ADARB1: variants seen among roughly 807,000 people sequenced by gnomAD.
The protein encoded by ADARB1 is adenosine deaminase RNA specific B1.
A neutral mutation model predicts 52.4 loss-of-function variants in ADARB1; 10 were observed. The ratio of observed to expected loss-of-function variants is 0.19; its 90% CI spans 0.12 to 0.32. The LOEUF is 0.32. Among genes scored for constraint, ADARB1 ranks in the 10% least tolerant of loss-of-function variants. The pLI is 1.00. For missense variants in ADARB1, 643 were observed against 922.3 expected (o/e 0.70, Z 3.92); for synonymous variants, 349 against 371.1 (o/e 0.94, Z 0.68).
chr21:45,122,712 A>G (rs1040186929), intron 1 of ADARB1, among the ~76,000 whole-genome samples: 1 of 152,182 alleles, frequency 6.6e-6, no homozygotes, highest in African/African-American at 2.4e-5. Flanking sequence ...ACTCCCCACC[A>G]GTTTCGCAGG....
intron 2 of ADARB1, among the ~76,000 whole-genome samples, chr21:45,137,490 G>T (rs2145877208): frequency 6.6e-6 from 1 of 152,346 alleles, no homozygotes; most frequent in East Asian, 1.9e-4. Flanking sequence ...CCCTTCGGGT[G>T]TGCCAGGAGC....
At chr21:45,099,338 T>C (rs1176838061) in intron 1 of ADARB1, among the ~76,000 whole-genome samples, 1 of 152,194 alleles carries the variant, frequency 6.6e-6, no homozygotes. Context: ...AATTAGGGTC[T>C]TCGGATTGCT....
chr21:45,154,048 A>G (rs1394597438), intron 2 of ADARB1, among the ~76,000 whole-genome samples: 1 of 152,254 alleles, frequency 6.6e-6, no homozygotes, highest in East Asian at 1.9e-4. Context: ...TGGGAAAAAT[A>G]TTGAGAAGTA....
Position 45,142,997 on chromosome 21 carries a change from A to G in ADARB1, c.-48+14424A>G, listed in dbSNP as rs936716875. Among the ~76,000 whole-genome samples, 9 of 152,230 alleles carry G rather than the reference A, an allele frequency of 5.9e-5. No individual in the cohort carries two copies. Among genetic ancestry groups the G allele is most frequent in the African/African-American group, 2.2e-4 (9 of 41,462 alleles). ...TGGCATCTGCGATGCTTGTAAAACA[A>G]GTAGCAGCCGTGTCCAGCCTGCTGC... is the stretch of plus-strand genomic sequence containing the variant. On this transcript the variant is annotated intron_variant, in intron 2 of 10. Coordinates refer to ENST00000348831, the MANE Select transcript of ADARB1 (RefSeq NM_001112.4). This position sits in a 1 kb window ranked among gnomAD's most constrained non-coding sequence, Gnocchi z 4.0.
chr21:45,176,128 G>T lies in ADARB1; in HGVS notation c.427G>T (p.Val143Phe). 6.2e-7 allele frequency: 1 copy of T among 1,614,052 alleles called. No individual in the cohort carries two copies. ...TGCTGAGAAGGCCTTGAGGTCTTTC[G>T]TTCAGTTTCCTAATGCCTCTGAGGC... is the stretch of plus-strand genomic sequence containing the variant. ...HAAEKALRSF[V>F]QFPNASEAHL... is the part of the protein sequence containing the mutation. The change falls in exon 4 of 11, where the codon GTT becomes TTT. Residue 143 changes from valine (V) to phenylalanine (F), a missense_variant. Physicochemically the swap from Val to Phe is conservative, Grantham distance 50. Transcript: ENST00000348831. The surrounding 1 kb of genome is among the most constrained non-coding windows in gnomAD (Gnocchi z 5.8).
chr21:45,225,280 G>A lies in ADARB1; in HGVS notation c.*3083G>A, dbSNP rs1013531838. 2.7e-5 allele frequency: 31 copies of A among 1,163,722 alleles called. No individual in the cohort carries two copies. The highest frequency in any genetic ancestry group is 1.4e-4 in the African/African-American group (9 of 62,904). The allele number at this position is 1,163,722 out of a possible 1,614,324, so 72.1% of individuals were successfully genotyped here. A position where few individuals can be genotyped will look rare whatever the true frequency, so the allele number is the denominator to read the frequency against. ...CTTCCTCAGCTCTCATCACCTGGTCGTACGCCAGGCCCACCTCTTCCCAGC... is the reference window on the plus strand; with the variant it reads ...CTTCCTCAGCTCTCATCACCTGGTCATACGCCAGGCCCACCTCTTCCCAGC... On this transcript the variant is annotated 3_prime_UTR_variant, in exon 11 of 11. Transcript: ENST00000348831.
intron 1 of ADARB1, among the ~76,000 whole-genome samples, chr21:45,103,210 G>T (rs913053953): frequency 4.6e-5 from 7 of 152,144 alleles, no homozygotes; most frequent in African/African-American, 1.7e-4. Flanking sequence ...GTGGATTTCA[G>T]TTAATAACAA....
At chr21:45,075,878 C>G (rs781170342) in intron 1 of ADARB1, among the ~76,000 whole-genome samples, 2 of 152,112 alleles carry the variant, frequency 1.3e-5, no homozygotes, top group East Asian at 3.8e-4. Flanking sequence ...CGAAGTATAA[C>G]GAAAAGTGGC....
Position 45,222,223 on chromosome 21 carries a change from A to G in ADARB1, c.*26A>G. On this transcript the variant is annotated 3_prime_UTR_variant, in exon 11 of 11. Transcript: ENST00000348831. ...CCCGGGCAGACATGATGGGGGGTGCAGGGGGCTGTGGGCATCCAGCGTCAT... is the reference window on the plus strand; with the variant it reads ...CCCGGGCAGACATGATGGGGGGTGCGGGGGGCTGTGGGCATCCAGCGTCAT... 6.8e-7 allele frequency: 1 copy of G among 1,461,788 alleles called. No homozygotes were observed. 90.6% of individuals were successfully genotyped at this position (1,461,788 alleles called of 1,614,324 possible).
At chr21:45,131,882 G>C (rs1339867193) in intron 2 of ADARB1, among the ~76,000 whole-genome samples, 1 of 152,214 alleles carries the variant, frequency 6.6e-6, no homozygotes, top group Admixed American at 6.5e-5. Context: ...GTGCCTGGCG[G>C]TGTCCTGGCG....
At position 45,093,271 on chromosome 21, in the gene ADARB1, C is replaced by T. The variant is rs116579270; in HGVS notation, c.-220+18478C>T. ...TTCTCACCAGTTCCCAGGGCAGCCT[C>T]GGGTAGGAGTCTCGGGTAGGAGAGT... On this transcript the variant is annotated intron_variant, in intron 1 of 10. Transcript: ENST00000348831. Among the ~76,000 whole-genome samples the T allele has an allele frequency of 3.7e-3, 558 of 152,260 alleles. 5 individuals are homozygous for T. The highest frequency in any genetic ancestry group is 0.013 in the African/African-American group (545 of 41,536).
At chr21:45,180,592 C>T (rs1405430090) in intron 5 of ADARB1, 148 bp downstream of exon 5, 4 of 700,564 alleles carry the variant, frequency 5.7e-6, no homozygotes, top group South Asian at 1.8e-5. Context: ...TGCAAGTTTA[C>T]GAACTGCACT....
chr21:45,112,963 T>C (rs1473810651), intron 1 of ADARB1, among the ~76,000 whole-genome samples: 1 of 143,540 alleles, frequency 7.0e-6, no homozygotes, highest in Non-Finnish European at 1.5e-5. Flanking sequence ...TGGGTAGTCA[T>C]AGGAAGATGG....
chr21:45,169,434 G>A (rs981781614), intron 2 of ADARB1, among the ~76,000 whole-genome samples: 4 of 152,134 alleles, frequency 2.6e-5, no homozygotes. Context: ...GCAGCTTTTT[G>A]TGTGTTTTGT....
chr21:45,143,143 T>A (rs1016863296), intron 2 of ADARB1, among the ~76,000 whole-genome samples: 1 of 152,120 alleles, frequency 6.6e-6, no homozygotes, highest in African/African-American at 2.4e-5. Context: ...CTTCGGCAGG[T>A]GCCCTTCCTG....
Position 45,223,154 on chromosome 21 carries a change from C to A in ADARB1, c.*957C>A. Reference sequence around the variant, plus strand: ...TCTGAATCGAATGGATGTGGGTGACCGCCCGAAGGCCTTCACAGGATGGAA... The same window carrying A: ...TCTGAATCGAATGGATGTGGGTGACAGCCCGAAGGCCTTCACAGGATGGAA... On this transcript the variant is annotated 3_prime_UTR_variant, in exon 11 of 11. Coordinates refer to ENST00000348831, the MANE Select transcript of ADARB1 (RefSeq NM_001112.4). 1.0e-6 allele frequency: 1 copy of A among 985,438 alleles called. No individual in the cohort carries two copies. The highest frequency in any genetic ancestry group is 1.2e-6 in the Non-Finnish European group (1 of 829,954). 61.0% of individuals were successfully genotyped at this position (985,438 alleles called of 1,614,324 possible). A position where few individuals can be genotyped will look rare whatever the true frequency, so the allele number is the denominator to read the frequency against.
In ADARB1 at chr21:45,208,882, T is replaced by C. The variant is rs2092716955; in HGVS notation, c.1747+4146T>C. Among the ~76,000 whole-genome samples, 1 of 152,188 alleles carries C rather than the reference T, an allele frequency of 6.6e-6. No individual in the cohort carries two copies. The highest frequency in any genetic ancestry group is 2.1e-4 in the South Asian group (1 of 4,832). On this transcript the variant is annotated intron_variant, in intron 9 of 10. Coordinates refer to ENST00000348831, the MANE Select transcript of ADARB1 (RefSeq NM_001112.4). This position sits in a 1 kb window ranked among gnomAD's most constrained non-coding sequence, Gnocchi z 5.6. The stretch of plus-strand genomic sequence containing the variant: ...TTGTAGAAGAGAACGACCACCAAGC[T>C]TGGCTCCAAGTACAGAATCATTCTT...
chr21:45,153,801 C>G (rs560112375), intron 2 of ADARB1, among the ~76,000 whole-genome samples: 1 of 152,312 alleles, frequency 6.6e-6, no homozygotes, highest in African/African-American at 2.4e-5. Context: ...CCTGGACTGA[C>G]GGGCGGTCTC....
chr21:45,143,703 G>A (rs1473849218), intron 2 of ADARB1, among the ~76,000 whole-genome samples: 8 of 152,162 alleles, frequency 5.3e-5, no homozygotes, highest in African/African-American at 1.2e-4. Context: ...GTTCCTGGGC[G>A]GTTTCAGGTG....
Sources: gnomAD v4.1 joint callset for allele counts (sites outside exome capture counted in the v4.1 genomes callset) on GRCh38, gnomAD v4.1.1 for gene constraint, Gnocchi (gnomAD v3.1) non-coding constraint, MANE v1.5 for transcripts, NCBI Gene and HGNC (gene_info 2026-07-23, HGNC 2026-07-21) for gene names.